Variants in PTPRD observed in about 807,000 individuals in gnomAD.
The protein encoded by PTPRD is receptor-type tyrosine-protein phosphatase delta.
In PTPRD, 34 loss-of-function variants were observed where a neutral mutation model predicts 214.5. The observed-to-expected ratio is 0.16, with a 90% CI of 0.12 to 0.21. PTPRD has a LOEUF of 0.21. PTPRD is among the 10% of genes least tolerant of loss of function. PTPRD has a pLI of 1.00. For synonymous variants in PTPRD, 1,128 were observed against 845.7 expected (o/e 1.33, Z -5.79); for missense variants, 2,545 against 2,398.7 (o/e 1.06, Z -1.27).
Position 10,101,778 on chromosome 9 carries a change from A to T in PTPRD, c.-544-67988T>A, listed in dbSNP as rs2098554064. Reference sequence around the variant, plus strand: ...CAACTGTACTCAGTAAGAGTGATATAAAATCATAAATCCTAGCCACAGCTG... The same window carrying T: ...CAACTGTACTCAGTAAGAGTGATATTAAATCATAAATCCTAGCCACAGCTG... On this transcript the variant is annotated intron_variant, in intron 3 of 45. Transcript: ENST00000381196. Among the ~76,000 whole-genome samples, 3 of 151,722 alleles carry T rather than the reference A, an allele frequency of 2.0e-5. No homozygotes were observed. The Admixed American group carries it at 2.0e-4, about 10-fold the overall frequency.
At chr9:8,482,474 G>A (rs2096907798) in intron 30 of PTPRD, among the ~76,000 whole-genome samples, 1 of 151,988 alleles carries the variant, frequency 6.6e-6, no homozygotes, top group South Asian at 2.1e-4. Context: ...CATGAACTAT[G>A]AATAAATGCC....
At chr9:8,885,330 T>G (rs1475995401) in intron 11 of PTPRD, among the ~76,000 whole-genome samples, 1 of 151,998 alleles carries the variant, frequency 6.6e-6, no homozygotes, top group Non-Finnish European at 1.5e-5. Context: ...ATGGGATGTT[T>G]AGGGATAAAA....
chr9:8,481,812 T>C (rs1426847225), intron 30 of PTPRD, among the ~76,000 whole-genome samples: 8 of 152,146 alleles, frequency 5.3e-5, no homozygotes. Context: ...AGACGGAGTA[T>C]ACCTCTGTTG....
intron 18 of PTPRD, among the ~76,000 whole-genome samples, chr9:8,524,411 G>T (rs1333318811): frequency 2.0e-5 from 3 of 152,150 alleles, no homozygotes; most frequent in Non-Finnish European, 2.9e-5. Context: ...TACGAAGACA[G>T]AAATGCAACT....
intron 5 of PTPRD, among the ~76,000 whole-genome samples, chr9:9,808,766 T>C (rs1565425645): frequency 1.3e-5 from 2 of 152,108 alleles, no homozygotes; most frequent in Non-Finnish European, 2.9e-5. Flanking sequence ...GGGGTATTAG[T>C]TTAATTTTTA....
chr9:9,246,111 G>A (rs1490339972), intron 9 of PTPRD, among the ~76,000 whole-genome samples: 1 of 152,014 alleles, frequency 6.6e-6, no homozygotes, highest in African/African-American at 2.4e-5. Flanking sequence ...AGGAATGGGG[G>A]TGACTTTCAA....
intron 5 of PTPRD, among the ~76,000 whole-genome samples, chr9:9,857,744 C>G (rs908598024): frequency 6.6e-6 from 1 of 152,158 alleles, no homozygotes; most frequent in Non-Finnish European, 1.5e-5. Context: ...ATGTCTGTTT[C>G]AGGGCAAACA....
chr9:8,763,763 T>C (rs2094545885), intron 11 of PTPRD, among the ~76,000 whole-genome samples: 2 of 151,684 alleles, frequency 1.3e-5, no homozygotes, highest in Non-Finnish European at 2.9e-5. Flanking sequence ...GATCATAAGT[T>C]ACCCCTCTCT....
intron 2 of PTPRD, among the ~76,000 whole-genome samples, chr9:10,581,776 A>C: frequency 6.6e-6 from 1 of 152,268 alleles, no homozygotes; most frequent in South Asian, 2.1e-4. Flanking sequence ...TAAGGGTATT[A>C]AATAGAAATT....
chr9:8,828,534 T>C (rs1035659003), intron 11 of PTPRD, among the ~76,000 whole-genome samples: 18 of 152,150 alleles, frequency 1.2e-4, no homozygotes, highest in African/African-American at 4.1e-4. Flanking sequence ...AGCCACCCTA[T>C]CTAGGATATT....
At chr9:8,389,638 T>C (rs556280547) in intron 36 of PTPRD, among the ~76,000 whole-genome samples, 4 of 151,982 alleles carry the variant, frequency 2.6e-5, no homozygotes, top group African/African-American at 9.6e-5. Context: ...AAAGAAAAAA[T>C]ACAATAGATG....
chr9:10,180,038 A>C (rs2154305580), intron 3 of PTPRD, among the ~76,000 whole-genome samples: 1 of 147,518 alleles, frequency 6.8e-6, no homozygotes, highest in East Asian at 2.0e-4. Context: ...TAGGCTAATC[A>C]GAAGATAGAG....
chr9:10,601,720 C>T (rs1040769483), intron 2 of PTPRD, among the ~76,000 whole-genome samples: 1 of 151,596 alleles, frequency 6.6e-6, no homozygotes, highest in Non-Finnish European at 1.5e-5. Context: ...ACCACTGCTC[C>T]TTCTCCAAGC....
At chr9:10,585,756 T>G (rs201478616) in intron 2 of PTPRD, among the ~76,000 whole-genome samples, 1 of 151,534 alleles carries the variant, frequency 6.6e-6, no homozygotes. Flanking sequence ...CACAAGTGTG[T>G]GGGGGGAAAA....
intron 13 of PTPRD, among the ~76,000 whole-genome samples, chr9:8,635,520 T>C (rs2096402420): frequency 6.6e-6 from 1 of 152,150 alleles, no homozygotes; most frequent in Non-Finnish European, 1.5e-5. Context: ...TACAACCCAA[T>C]TTCCAATGGC....
chr9:10,413,317 G>A (rs566663876), intron 2 of PTPRD, among the ~76,000 whole-genome samples: 3 of 151,692 alleles, frequency 2.0e-5, no homozygotes, highest in African/African-American at 4.8e-5. Flanking sequence ...CACCAACAAC[G>A]ACCAAGTTGA....
intron 12 of PTPRD, among the ~76,000 whole-genome samples, chr9:8,674,069 G>A (rs1242794206): frequency 1.3e-5 from 2 of 152,076 alleles, no homozygotes; most frequent in East Asian, 1.9e-4. Context: ...GAGCTAAGAC[G>A]GAATAAAGAT....
chr9:9,931,807 C>A (rs1013435955), intron 5 of PTPRD, among the ~76,000 whole-genome samples: 19 of 151,574 alleles, frequency 1.3e-4, no homozygotes, highest in Non-Finnish European at 2.2e-4. Flanking sequence ...GCAGTAACCT[C>A]TGCAGACTTA....
intron 2 of PTPRD, among the ~76,000 whole-genome samples, chr9:10,491,841 G>C (rs1279068950): frequency 6.6e-6 from 1 of 151,796 alleles, no homozygotes; most frequent in African/African-American, 2.4e-5. Flanking sequence ...TTAGGTATTT[G>C]TTCTAATGCT....
Sources: allele counts gnomAD v4.1 joint callset (sites outside exome capture counted in the v4.1 genomes callset), GRCh38; gene constraint gnomAD v4.1.1; transcripts MANE v1.5; gene names NCBI Gene and HGNC (gene_info 2026-07-23, HGNC 2026-07-21).